Variants in FBXL18 observed in about 807,000 individuals in gnomAD.
FBXL18 encodes the protein F-box/LRR-repeat protein 18.
FBXL18 carries 36 observed loss-of-function variants against 46.0 expected under a neutral mutation model. That is an observed-to-expected ratio of 0.78 (90% CI 0.60 to 1.03). FBXL18 has a LOEUF of 1.03. Ranked by LOEUF, FBXL18 falls within the 50% of genes least tolerant of loss-of-function variation. FBXL18 has a pLI of 0.00. For synonymous variants in FBXL18, 557 were observed against 465.3 expected, an observed-to-expected ratio of 1.20 and a Z score of -2.54; for missense variants, 977 against 1,004.1, an observed-to-expected ratio of 0.97 and a Z score of 0.36.
intron 3 of FBXL18, among the ~76,000 whole-genome samples, chr7:5,493,598 A>AT (rs200351392): frequency 6.6e-5 from 10 of 150,404 alleles, no homozygotes; most frequent in African/African-American, 1.2e-4. Context: ...CCTGGCCAAA[A>AT]TTTTTTTTTT....
chr7:5,489,471 C>T (rs1783858389), intron 4 of FBXL18: 1 of 380,318 alleles, frequency 2.6e-6, no homozygotes, highest in Non-Finnish European at 5.1e-6. Context: ...CCCGTCTCTA[C>T]TAAAAATACA....
chr7:5,485,547 C>T (rs1225183618), intron 4 of FBXL18, among the ~76,000 whole-genome samples: 1 of 152,140 alleles, frequency 6.6e-6, no homozygotes, highest in African/African-American at 2.4e-5. Flanking sequence ...GGCGCAGTGG[C>T]TCACGCCTGT....
intron 4 of FBXL18, among the ~76,000 whole-genome samples, chr7:5,464,523 C>T (rs1248598763): frequency 6.6e-6 from 1 of 151,392 alleles, no homozygotes; most frequent in African/African-American, 2.4e-5. Context: ...ATCAGCTGGG[C>T]GTTGTGGCAG....
chr7:5,470,965 T>C (rs543247029), downstream of FBXL18, among the ~76,000 whole-genome samples: 189 of 152,160 alleles, frequency 1.2e-3, no homozygotes, highest in African/African-American at 4.3e-3. Context: ...CCCTCCCTCA[T>C]CCGTGCAGAG....
chr7:5,455,754 A>C lies in FBXL18; in HGVS notation c.2001-7911T>G, dbSNP rs1783163819. Among the ~76,000 whole-genome samples, 1 of 139,518 alleles carries C rather than the reference A, an allele frequency of 7.2e-6. No homozygotes were observed. Among genetic ancestry groups the C allele is most frequent in the African/African-American group, 2.8e-5 (1 of 35,694 alleles). The allele number at this position is 139,518 out of a possible 152,430, so 91.5% of individuals were successfully genotyped here. ...GGTGCCTCCCCCCCACCCCCACTAC[A>C]CACACACAAACACACACACACACAC... On this transcript the variant is annotated intron_variant and NMD_transcript_variant, in intron 4 of 6. Coordinates refer to the FBXL18 transcript ENST00000415009. This position sits in a 1 kb window ranked among gnomAD's most constrained non-coding sequence, Gnocchi z 4.6.
Position 5,501,044 on chromosome 7 carries a change from G to C in FBXL18, c.1225C>G (p.Leu409Val). The C allele has an allele frequency of 6.2e-7, 1 of 1,607,702 alleles. No individual in the cohort carries two copies. The highest frequency in any genetic ancestry group is 8.5e-7 in the Non-Finnish European group (1 of 1,178,472). ...EGLGRHLCQLLARLRHLRSLS... is the reference protein window; with the variant it reads ...EGLGRHLCQLVARLRHLRSLS... The stretch of plus-strand genomic sequence containing the variant: ...GAGCGCAGGTGACGCAGCCGGGCCA[G>C]GAGCTGGCAGAGGTGGCGGCCCAGG... The change falls in exon 3 of 5, where the codon CTG becomes GTG. Residue 409 changes from leucine to valine, a missense_variant. Coordinates refer to ENST00000382368, the MANE Select transcript of FBXL18 (RefSeq NM_024963.6).
At chr7:5,495,016 G>A (rs1395738964) in intron 3 of FBXL18, among the ~76,000 whole-genome samples, 1 of 152,216 alleles carries the variant, frequency 6.6e-6, no homozygotes. Flanking sequence ...AGCTTCCTAG[G>A]CTCCCACAGC....
chr7:5,462,943 T>C (rs550598432), intron 4 of FBXL18, among the ~76,000 whole-genome samples: 264 of 35,224 alleles, frequency 7.5e-3, no homozygotes, highest in Non-Finnish European at 0.014. Flanking sequence ...AGAGTGAGAC[T>C]TGGTCTCAAA....
rs777587843 is a variant in FBXL18, at chr7:5,501,711, GC to G, written c.557del (p.Gly186AlafsTer9). On this transcript the variant is annotated frameshift_variant, in exon 3 of 5. Coordinates refer to ENST00000382368, the MANE Select transcript of FBXL18 (RefSeq NM_024963.6). LOFTEE classifies it high-confidence loss of function. Reference sequence around the variant, plus strand: ...CTAGGCTGGTGCAGCAGGGCACCACGCCGTAGGAGGGAGTGAACAGCGTCTG... The same window carrying G: ...CTAGGCTGGTGCAGCAGGGCACCACGCGTAGGAGGGAGTGAACAGCGTCTG... ...LKQTLFTPSY[G>X]VVPCCTSLEK... 6.3e-7 allele frequency: 1 copy of G among 1,587,906 alleles called. No individual in the cohort carries two copies. The highest frequency in any genetic ancestry group is 8.6e-7 in the Non-Finnish European group (1 of 1,166,704).
At chr7:5,502,055 G>C (rs775900238) in intron 2 of FBXL18, 24 bp from the exon 3 acceptor site, 1 of 1,528,170 alleles carries the variant, frequency 6.5e-7, no homozygotes, top group African/African-American at 1.4e-5. Flanking sequence ...GCAGGGTGGG[G>C]AGAGGAAGGA....
At chr7:5,457,665 C>T (rs1008228849) in intron 4 of FBXL18, among the ~76,000 whole-genome samples, 5 of 152,314 alleles carry the variant, frequency 3.3e-5, no homozygotes, top group Non-Finnish European at 5.9e-5. Flanking sequence ...TAAAAAGCAA[C>T]GGAAGGCTTG....
chr7:5,467,259 A>G (rs547551107), intron 4 of FBXL18, among the ~76,000 whole-genome samples: 279 of 152,004 alleles, frequency 1.8e-3, no homozygotes, highest in African/African-American at 5.9e-3. Flanking sequence ...GCTGAGGCAG[A>G]AGAATGGCCT....
rs571580977 is a variant in FBXL18, at chr7:5,496,346, C to A, written c.1781+4142G>T. Among the ~76,000 whole-genome samples, 46 of 152,310 alleles carry A rather than the reference C, an allele frequency of 3.0e-4. No individual in the cohort carries two copies. Among genetic ancestry groups the A allele is most frequent in the Non-Finnish European group, 5.1e-4 (35 of 68,026 alleles). On this transcript the variant is annotated intron_variant, in intron 3 of 4. Coordinates refer to ENST00000382368, the MANE Select transcript of FBXL18 (RefSeq NM_024963.6). The surrounding 1 kb of genome is among the most constrained non-coding windows in gnomAD (Gnocchi z 4.8). The stretch of plus-strand genomic sequence containing the variant: ...CTCTGCCTCTTGCTTCCGGAACACC[C>A]CCTCCCTCCGGCCAGTGCCTCCCTT...
chr7:5,490,032 G>A (rs1213198315), intron 4 of FBXL18: 2 of 1,328,852 alleles, frequency 1.5e-6, no homozygotes, highest in Admixed American at 2.1e-5. Context: ...CAACCAGAGA[G>A]GGGGAAACCC....
intron 2 of FBXL18, among the ~76,000 whole-genome samples, chr7:5,503,964 T>A (rs1388383170): frequency 6.9e-6 from 1 of 145,606 alleles, no homozygotes; most frequent in Non-Finnish European, 1.5e-5. Context: ...GAGACCTCGT[T>A]TCAAAAAAAA....
At chr7:5,465,138 C>T (rs1783323711) in intron 4 of FBXL18, among the ~76,000 whole-genome samples, 1 of 152,138 alleles carries the variant, frequency 6.6e-6, no homozygotes, top group South Asian at 2.1e-4. Flanking sequence ...GTTTCTGCAA[C>T]TTCTCTCTGG....
chr7:5,457,815 C>T (rs1004375379), intron 4 of FBXL18, among the ~76,000 whole-genome samples: 1 of 152,176 alleles, frequency 6.6e-6, no homozygotes, highest in Non-Finnish European at 1.5e-5. Context: ...CTCCAGGCCA[C>T]GTTATGGCGG....
chr7:5,511,354 G>A (rs778713029), intron 1 of FBXL18, among the ~76,000 whole-genome samples: 4 of 151,958 alleles, frequency 2.6e-5, no homozygotes, highest in Non-Finnish European at 5.9e-5. Flanking sequence ...CAAGGTGGGC[G>A]GATCACCTGA....
rs954156042 is a variant in FBXL18 at position 5,501,760 on chromosome 7, A to G, written c.509T>C (p.Leu170Pro). 1.3e-6 allele frequency: 2 copies of G among 1,559,116 alleles called. No individual in the cohort carries two copies. The highest frequency in any genetic ancestry group is 8.7e-7 in the Non-Finnish European group (1 of 1,151,104). Residue 170 changes from leucine to proline, a missense_variant, in exon 3 of 5, where the codon CTG becomes CCG. By Grantham distance (98) the Leu-to-Pro change is moderately conservative. Transcript: ENST00000382368. ...SQLSSECKAT[L>P]SRVRELKQTL... ...CTGCTTGAGCTCCCGCACGCGGCTC[A>G]GGGTGGCCTTGCACTCGCTGCTCAG...
Sources: allele counts gnomAD v4.1 joint callset (sites outside exome capture counted in the v4.1 genomes callset), GRCh38; gene constraint gnomAD v4.1.1; non-coding constraint Gnocchi (gnomAD v3.1); transcripts MANE v1.5; gene names NCBI Gene and HGNC (gene_info 2026-07-23, HGNC 2026-07-21).